NOX3: variants seen among roughly 807,000 people sequenced by gnomAD.
NOX3 encodes the protein NADPH oxidase 3, also known as NADPH oxidase catalytic subunit-like 3.
Under a neutral mutation model 76.7 loss-of-function variants are expected in NOX3, and 74 were observed. The ratio of observed to expected loss-of-function variants is 0.96; its 90% CI spans 0.80 to 1.17. The LOEUF (loss-of-function observed/expected upper bound fraction) is 1.17, where lower values mean the gene tolerates loss of function less well. Among genes scored for constraint, NOX3 ranks in the 50% most tolerant of loss-of-function variants. NOX3 has a pLI of 0.00. For missense variants in NOX3, 695 were observed against 703.3 expected, an observed-to-expected ratio of 0.99 and a Z score of 0.13; for synonymous variants, 263 against 261.1, an observed-to-expected ratio of 1.01 and a Z score of -0.07.
At chr6:155,399,930 G>T (rs867582694) in intron 12 of NOX3, among the ~76,000 whole-genome samples, 1 of 152,198 alleles carries the variant, frequency 6.6e-6, no homozygotes, top group African/African-American at 2.4e-5. Flanking sequence ...GCACACGCAT[G>T]GGGGAGCTGG....
intron 12 of NOX3, among the ~76,000 whole-genome samples, chr6:155,405,320 T>C (rs555663765): frequency 3.3e-5 from 5 of 152,136 alleles, no homozygotes; most frequent in Non-Finnish European, 7.4e-5. Flanking sequence ...GGGGCATGAT[T>C]ATTAAGGCAG....
At chr6:155,409,270 C>A (rs1245896495) in intron 11 of NOX3, among the ~76,000 whole-genome samples, 1 of 152,086 alleles carries the variant, frequency 6.6e-6, no homozygotes, top group Non-Finnish European at 1.5e-5. Flanking sequence ...AGAGAACGAG[C>A]AAAGCCATGG....
At chr6:155,406,784 T>C (rs1309737759) in intron 12 of NOX3, among the ~76,000 whole-genome samples, 1 of 152,210 alleles carries the variant, frequency 6.6e-6, no homozygotes, top group African/African-American at 2.4e-5. Flanking sequence ...TTGCTAGACA[T>C]GCTAGATAGT....
At chr6:155,409,190 A>G (rs2114679432) in intron 11 of NOX3, among the ~76,000 whole-genome samples, 1 of 152,280 alleles carries the variant, frequency 6.6e-6, no homozygotes, top group African/African-American at 2.4e-5. Flanking sequence ...GAGTTGGGGT[A>G]TAGGACTCCG....
In NOX3 at chr6:155,407,227, C is replaced by A; in HGVS notation, c.1483G>T (p.Glu495Ter). The change falls in exon 12 of 14, where the codon GAA (glutamate) becomes TAA (stop). Residue 495 changes from glutamate to a stop codon, truncating the protein, a stop_gained. Transcript: ENST00000159060. LOFTEE classifies it high-confidence loss of function. The part of the protein sequence containing the change: ...QALHIALHWD[E>*]NTDVITGLKQ... ...AAGCCTGTAATCACGTCAGTATTTT[C>A]GTCCCAGTGTAAAGCTATGTGAAGA... The A allele has an allele frequency of 6.2e-7, 1 of 1,613,754 alleles. No homozygotes were observed. The highest frequency in any genetic ancestry group is 8.5e-7 in the Non-Finnish European group (1 of 1,179,866).
At chr6:155,447,314 G>C (rs919464108) in intron 4 of NOX3, among the ~76,000 whole-genome samples, 1 of 152,104 alleles carries the variant, frequency 6.6e-6, no homozygotes, top group Non-Finnish European at 1.5e-5. Flanking sequence ...TGGGATTACA[G>C]GCGTGAGCCA....
At chr6:155,447,067 A>G (rs942234277) in intron 4 of NOX3, among the ~76,000 whole-genome samples, 3 of 146,598 alleles carry the variant, frequency 2.0e-5, no homozygotes, top group African/African-American at 7.6e-5. Flanking sequence ...TTTTTTTGAG[A>G]CAGAGTCTCC....
intron 12 of NOX3, among the ~76,000 whole-genome samples, chr6:155,406,013 C>G (rs1026508924): frequency 1.8e-4 from 27 of 152,226 alleles, no homozygotes; most frequent in African/African-American, 6.5e-4. Context: ...GTTCTGGGAT[C>G]ATGCCAGGAA....
chr6:155,440,287 G>T (rs922009587), intron 5 of NOX3, 150 bp from the exon 6 acceptor site: 2 of 599,272 alleles, frequency 3.3e-6, no homozygotes, highest in Admixed American at 3.5e-5. Flanking sequence ...TCAGAAGCAC[G>T]TTAGCCTCAG....
chr6:155,411,473 A>C (rs756390134), intron 10 of NOX3, 113 bp from the exon 11 acceptor site: 2 of 943,148 alleles, frequency 2.1e-6, no homozygotes, highest in Non-Finnish European at 3.0e-6. Flanking sequence ...ACTTCTGCAA[A>C]ATAACATGCT....
Position 155,413,655 on chromosome 6 carries a change from C to T in NOX3, c.1309-2295G>A, listed in dbSNP as rs543916479. 7.4e-4 allele frequency among the ~76,000 whole-genome samples: 112 copies of T among 152,210 alleles called. No individual in the cohort carries two copies. The South Asian group carries it at 8.7e-3, about 12-fold the overall frequency. On this transcript the variant is annotated intron_variant, in intron 10 of 13. Coordinates refer to ENST00000159060, the MANE Select transcript of NOX3 (RefSeq NM_015718.3). ...TTTGAAAACCTTAGCTTTCATTTTG[C>T]CTTGCTTTGCTCTGGGTGGAAATGA... is the stretch of plus-strand genomic sequence containing the variant.
intron 10 of NOX3, among the ~76,000 whole-genome samples, chr6:155,418,249 A>G (rs1776644996): frequency 6.6e-6 from 1 of 152,128 alleles, no homozygotes; most frequent in Admixed American, 6.5e-5. Flanking sequence ...TCTTTTCACA[A>G]ATTGAGTGTG....
chr6:155,446,337 A>G (rs962033540), intron 4 of NOX3, among the ~76,000 whole-genome samples: 4 of 152,202 alleles, frequency 2.6e-5, no homozygotes, highest in Admixed American at 6.5e-5. Flanking sequence ...ATTGTCCAGT[A>G]TTCCTAATTG....
intron 11 of NOX3, 93 bp downstream of exon 11, chr6:155,411,121 A>G (rs1295404157): frequency 2.1e-6 from 2 of 956,124 alleles, no homozygotes; most frequent in Non-Finnish European, 3.0e-6. Context: ...CTGTCATGCT[A>G]TCAGAGTGCT....
intron 9 of NOX3, among the ~76,000 whole-genome samples, chr6:155,426,984 C>T (rs1175823668): frequency 7.2e-5 from 3 of 41,906 alleles, no homozygotes; most frequent in Non-Finnish European, 9.0e-5. Flanking sequence ...GACACTGTGG[C>T]GTGTGTGTGT....
At chr6:155,404,124 T>C (rs998099869) in intron 12 of NOX3, among the ~76,000 whole-genome samples, 3 of 136,996 alleles carry the variant, frequency 2.2e-5, no homozygotes, top group African/African-American at 3.0e-5. Flanking sequence ...TATATATATA[T>C]ATATTTTTTT....
intron 8 of NOX3, among the ~76,000 whole-genome samples, chr6:155,429,805 C>T (rs1340051023): frequency 6.6e-6 from 1 of 152,194 alleles, no homozygotes; most frequent in Non-Finnish European, 1.5e-5. Flanking sequence ...CATCTAGATA[C>T]TGTGACAGTA....
chr6:155,396,314 G>T (rs1235278647), intron 13 of NOX3, among the ~76,000 whole-genome samples: 6 of 152,200 alleles, frequency 3.9e-5, no homozygotes, highest in Non-Finnish European at 8.8e-5. Context: ...AAGCAGAAAA[G>T]ATCAGGTTTG....
intron 10 of NOX3, among the ~76,000 whole-genome samples, chr6:155,417,793 A>AT (rs112036067): frequency 0.069 from 10,486 of 152,042 alleles, 1,127 homozygotes; most frequent in African/African-American, 0.23. Flanking sequence ...TAGAGTATGG[A>AT]TTTTTTGTCT....
Sources: gnomAD v4.1 joint callset for allele counts (sites outside exome capture counted in the v4.1 genomes callset) on GRCh38, gnomAD v4.1.1 for gene constraint, MANE v1.5 for transcripts, NCBI Gene and HGNC (gene_info 2026-07-23, HGNC 2026-07-21) for gene names.